Variants in NBEA observed in about 807,000 individuals in gnomAD.
NBEA encodes lysosomal-trafficking regulator 2.
NBEA carries 44 observed loss-of-function variants against 343.4 expected under a neutral mutation model. The observed-to-expected ratio is 0.13, with a 90% CI of 0.10 to 0.16. The LOEUF (loss-of-function observed/expected upper bound fraction) is 0.16. Among genes scored for constraint, NBEA ranks in the 10% least tolerant of loss-of-function variants. The probability of loss-of-function intolerance (pLI) is 1.00; values close to 1 mark genes in which losing one functional copy is unlikely to be tolerated. For synonymous variants in NBEA, 1,175 were observed against 1,238.7 expected, an observed-to-expected ratio of 0.95 and a Z score of 1.08; for missense variants, 2,555 against 3,631.3, an observed-to-expected ratio of 0.70 and a Z score of 7.62.
intron 41 of NBEA, among the ~76,000 whole-genome samples, chr13:35,479,596 A>G (rs1270965909): frequency 6.6e-6 from 1 of 152,176 alleles, no homozygotes; most frequent in Non-Finnish European, 1.5e-5. Flanking sequence ...GGAGTAATAT[A>G]TTTAACTATT....
intron 33 of NBEA, among the ~76,000 whole-genome samples, chr13:35,223,547 CCTT>C (rs2074490948): frequency 6.6e-6 from 1 of 152,022 alleles, no homozygotes; most frequent in Non-Finnish European, 1.5e-5. Context: ...TCTCTGAATG[CCTT>C]CTTCAGATTT....
At chr13:35,403,314 A>C in intron 38 of NBEA, among the ~76,000 whole-genome samples, 1 of 152,096 alleles carries the variant, frequency 6.6e-6, no homozygotes, top group East Asian at 1.9e-4. Flanking sequence ...TAAGTACTAT[A>C]GGGTTGCAAA....
At chr13:35,619,889 A>G (rs1001572526) in intron 48 of NBEA, among the ~76,000 whole-genome samples, 1 of 152,198 alleles carries the variant, frequency 6.6e-6, no homozygotes, top group East Asian at 1.9e-4. Flanking sequence ...TATGGAAAAT[A>G]CAAAGAATGG....
intron 17 of NBEA, among the ~76,000 whole-genome samples, chr13:35,136,314 C>T (rs1415626379): frequency 6.6e-6 from 1 of 152,050 alleles, no homozygotes; most frequent in African/African-American, 2.4e-5. Context: ...TTCTTTAGGA[C>T]TTTTGGTGAG....
At chr13:35,373,707 A>AAAT (rs60612475) in intron 38 of NBEA, among the ~76,000 whole-genome samples, 18,518 of 149,730 alleles carry the variant, frequency 0.12, 1,578 homozygotes, top group African/African-American at 0.25. Flanking sequence ...ACTGTCTCAA[A>AAAT]AATAATAATA....
intron 34 of NBEA, among the ~76,000 whole-genome samples, chr13:35,259,474 T>C (rs559354883): frequency 2.6e-5 from 4 of 152,266 alleles, no homozygotes; most frequent in Non-Finnish European, 4.4e-5. Flanking sequence ...CACTAACACT[T>C]TAAAAATATT....
intron 41 of NBEA, among the ~76,000 whole-genome samples, chr13:35,524,387 T>C (rs904815418): frequency 6.6e-6 from 1 of 152,260 alleles, no homozygotes; most frequent in Non-Finnish European, 1.5e-5. Context: ...CAAGCCCTTG[T>C]ACTGCCTTTC....
intron 41 of NBEA, among the ~76,000 whole-genome samples, chr13:35,546,057 C>T (rs202173548): frequency 6.6e-6 from 1 of 151,334 alleles, no homozygotes; most frequent in Non-Finnish European, 1.5e-5. Flanking sequence ...ATTAAACAAA[C>T]ATATATGGAG....
chr13:35,233,959 A>G (rs923073631), intron 34 of NBEA, among the ~76,000 whole-genome samples: 1 of 152,136 alleles, frequency 6.6e-6, no homozygotes, highest in African/African-American at 2.4e-5. Context: ...ATAATAAGTA[A>G]TAAAACTTAC....
chr13:35,231,421 A>T (rs1016191534), intron 33 of NBEA, among the ~76,000 whole-genome samples: 1 of 152,138 alleles, frequency 6.6e-6, no homozygotes, highest in Non-Finnish European at 1.5e-5. Context: ...GTGTAACAAA[A>T]TGTTACCTGG....
intron 38 of NBEA, among the ~76,000 whole-genome samples, chr13:35,391,538 T>C (rs1192017582): frequency 1.3e-5 from 2 of 152,218 alleles, no homozygotes; most frequent in Non-Finnish European, 2.9e-5. Flanking sequence ...TCTACAAGTT[T>C]ACCTTGCTTT....
chr13:35,605,101 G>A (rs372754006), intron 47 of NBEA, among the ~76,000 whole-genome samples: 1 of 152,186 alleles, frequency 6.6e-6, no homozygotes, highest in East Asian at 1.9e-4. Flanking sequence ...AGAGAAATAT[G>A]TAAAGGATTT....
chr13:35,315,911 C>A (rs962828951), intron 36 of NBEA, among the ~76,000 whole-genome samples: 1 of 151,922 alleles, frequency 6.6e-6, no homozygotes, highest in Non-Finnish European at 1.5e-5. Context: ...TTGGCAAAAA[C>A]TGTATTTAAA....
chr13:35,612,635 A>C (rs2082575812), intron 48 of NBEA, among the ~76,000 whole-genome samples: 1 of 152,206 alleles, frequency 6.6e-6, no homozygotes, highest in Admixed American at 6.5e-5. Flanking sequence ...TAAATGAAAT[A>C]GAAAAGCCAG....
intron 38 of NBEA, among the ~76,000 whole-genome samples, chr13:35,423,603 T>C (rs575228264): frequency 7.9e-5 from 12 of 152,202 alleles, no homozygotes; most frequent in Non-Finnish European, 1.8e-4. Flanking sequence ...AGCTTTGTTC[T>C]TTTGGCTTAG....
At chr13:35,302,708 G>A (rs1320342187) in intron 35 of NBEA, among the ~76,000 whole-genome samples, 2 of 152,102 alleles carry the variant, frequency 1.3e-5, no homozygotes, top group Non-Finnish European at 2.9e-5. Context: ...TTTTTTCTGT[G>A]TTTGCCATTC....
chr13:35,219,706 C>G (rs958479249), intron 33 of NBEA, among the ~76,000 whole-genome samples: 1 of 152,090 alleles, frequency 6.6e-6, no homozygotes, highest in Non-Finnish European at 1.5e-5. Flanking sequence ...GCCAGTGATA[C>G]AAGTTCCTAT....
intron 41 of NBEA, among the ~76,000 whole-genome samples, chr13:35,541,725 GGTGTGTGTGTGTGTGTGTGTGT>G (rs3075505): frequency 2.7e-4 from 39 of 145,144 alleles, no homozygotes; most frequent in African/African-American, 9.4e-4. Flanking sequence ...GGTCTGCATG[GGTGTGTGTGTGTGTGTGTGTGT>G]GTGTGTGTGT....
chr13:35,072,331 A>G (rs1427979733), intron 10 of NBEA, among the ~76,000 whole-genome samples: 1 of 152,122 alleles, frequency 6.6e-6, no homozygotes, highest in Admixed American at 6.6e-5. Flanking sequence ...TTCATCCAAG[A>G]CACATGGTTA....
Sources: gnomAD v4.1 joint callset for allele counts (sites outside exome capture counted in the v4.1 genomes callset) on GRCh38, gnomAD v4.1.1 for gene constraint, MANE v1.5 for transcripts, NCBI Gene and HGNC (gene_info 2026-07-23, HGNC 2026-07-21) for gene names.